The following NRG1 variants were observed in gnomAD, a reference collection of about 807,000 sequenced individuals.
NRG1 encodes the protein pro-neuregulin-1, membrane-bound isoform.
A neutral mutation model predicts 63.8 loss-of-function variants in NRG1; 18 were observed. That is an observed-to-expected ratio of 0.28 (90% confidence interval 0.19 to 0.42). NRG1 has a LOEUF of 0.42. NRG1 is among the 10% of genes least tolerant of loss of function. The pLI is 1.00. For missense variants in NRG1, 762 were observed against 814.7 expected, an observed-to-expected ratio of 0.94 and a Z score of 0.79; for synonymous variants, 302 against 301.3, an observed-to-expected ratio of 1.00 and a Z score of -0.02.
intron 1 of NRG1, among the ~76,000 whole-genome samples, chr8:31,724,978 A>C (rs1018995357): frequency 2.6e-5 from 4 of 152,212 alleles, no homozygotes; most frequent in African/African-American, 4.8e-5. Context: ...GATAGTACAT[A>C]AACAAATGAG....
chr8:31,968,606 C>T (rs901224547), intron 1 of NRG1, among the ~76,000 whole-genome samples: 10 of 152,142 alleles, frequency 6.6e-5, no homozygotes, highest in African/African-American at 2.4e-4. Flanking sequence ...CCAGTAGTTG[C>T]CTGACTTTTC....
intron 1 of NRG1, among the ~76,000 whole-genome samples, chr8:31,756,615 C>A (rs188297497): frequency 3.3e-5 from 5 of 152,126 alleles, no homozygotes; most frequent in African/African-American, 4.8e-5. Context: ...GTTATCCTTA[C>A]GACATCTCTC....
At chr8:32,172,659 C>T (rs1426784365) in intron 1 of NRG1, among the ~76,000 whole-genome samples, 2 of 152,180 alleles carry the variant, frequency 1.3e-5, no homozygotes. Context: ...CCTGATGGAG[C>T]TGAAAACCAA....
At chr8:32,676,637 A>G (rs1807188129) in intron 5 of NRG1, among the ~76,000 whole-genome samples, 1 of 152,196 alleles carries the variant, frequency 6.6e-6, no homozygotes, top group African/African-American at 2.4e-5. Flanking sequence ...AAACTTTAAC[A>G]ACGGCTGACA....
chr8:32,547,590 A>AAC (rs33943729), upstream of NRG1, among the ~76,000 whole-genome samples: 37,997 of 147,952 alleles, frequency 0.26, 5,360 homozygotes, highest in South Asian at 0.34. Flanking sequence ...GCACTTACTA[A>AAC]ACACACACAC....
At chr8:32,249,719 C>T (rs755358784) in intron 1 of NRG1, among the ~76,000 whole-genome samples, 50 of 151,992 alleles carry the variant, frequency 3.3e-4, no homozygotes, top group Non-Finnish European at 4.9e-4. Context: ...GAATGGAGCA[C>T]AAAGGGCCCA....
intron 1 of NRG1, among the ~76,000 whole-genome samples, chr8:32,446,587 GGAGATTGCAGTGAGCC>G (rs2129487788): frequency 6.6e-6 from 1 of 152,150 alleles, no homozygotes; most frequent in African/African-American, 2.4e-5. Flanking sequence ...CCAGAGAAGT[GGAGATTGCAGTGAGCC>G]AAGATTGTGC....
intron 5 of NRG1, among the ~76,000 whole-genome samples, chr8:32,713,382 C>A (rs1818291367): frequency 6.6e-6 from 1 of 152,122 alleles, no homozygotes; most frequent in Non-Finnish European, 1.5e-5. Context: ...GTAAACTATC[C>A]TGTGACTATC....
exon 4 of NRG1, chr8:32,614,539 A>G: frequency 6.2e-7 from 1 of 1,612,652 alleles, no homozygotes; most frequent in Non-Finnish European, 8.5e-7. Flanking sequence ...TGCCAGCCTC[A>G]ACTGAAGGAG....
intron 5 of NRG1, among the ~76,000 whole-genome samples, chr8:32,636,644 C>T (rs1851390085): frequency 6.6e-6 from 1 of 152,104 alleles, no homozygotes; most frequent in South Asian, 2.1e-4. Flanking sequence ...CATAGATGTT[C>T]TAATTCCCCA....
intron 1 of NRG1, among the ~76,000 whole-genome samples, chr8:32,412,813 G>A (rs1200810471): frequency 6.6e-6 from 1 of 151,942 alleles, no homozygotes; most frequent in African/African-American, 2.4e-5. Context: ...TAATCTTATG[G>A]GACCAGTTGT....
intron 1 of NRG1, among the ~76,000 whole-genome samples, chr8:32,083,806 C>T (rs922201550): frequency 7.9e-5 from 12 of 151,862 alleles, no homozygotes; most frequent in African/African-American, 2.9e-4. Flanking sequence ...AAGAAAGTGA[C>T]ATATATTGTA....
intron 1 of NRG1, among the ~76,000 whole-genome samples, chr8:31,701,231 A>G (rs999748296): frequency 2.0e-5 from 3 of 152,148 alleles, no homozygotes; most frequent in Non-Finnish European, 2.9e-5. Context: ...TATGTAACGT[A>G]AAATTACATA....
At chr8:31,901,791 A>G (rs1333749783) in intron 1 of NRG1, among the ~76,000 whole-genome samples, 2 of 152,194 alleles carry the variant, frequency 1.3e-5, no homozygotes, top group Non-Finnish European at 2.9e-5. Flanking sequence ...CTCCAGGAAG[A>G]TACTACTTTC....
At chr8:32,031,586 A>T (rs989922511) in intron 1 of NRG1, among the ~76,000 whole-genome samples, 4 of 151,990 alleles carry the variant, frequency 2.6e-5, no homozygotes, top group African/African-American at 9.7e-5. Flanking sequence ...AACCCACATT[A>T]GTTATTTATC....
chr8:32,628,488 G>A (rs543198916), intron 5 of NRG1, among the ~76,000 whole-genome samples: 10 of 152,172 alleles, frequency 6.6e-5, no homozygotes, highest in Middle Eastern at 3.4e-3. Context: ...AGATTATGGG[G>A]GTGGGAGAGT....
rs530059832 is a variant in NRG1, at chr8:32,455,867, G to A, written c.38-139961G>A. 3.9e-5 allele frequency among the ~76,000 whole-genome samples: 6 copies of A among 152,184 alleles called. No homozygotes were observed. The South Asian group carries it at 1.0e-3, about 26-fold the overall frequency. The stretch of plus-strand genomic sequence containing the variant: ...CAGTGGAATGATCTCAGCTCACTGC[G>A]GCCTCCACCCCAGTTCAAGCAATTT... On this transcript the variant is annotated intron_variant, in intron 1 of 10. Transcript: ENST00000519301.
At chr8:32,016,724 T>C (rs1425543651) in intron 1 of NRG1, among the ~76,000 whole-genome samples, 1 of 152,138 alleles carries the variant, frequency 6.6e-6, no homozygotes. Context: ...AATTTAAATG[T>C]TGGATATAAT....
intron 1 of NRG1, among the ~76,000 whole-genome samples, chr8:32,205,966 T>C (rs1844020664): frequency 6.7e-6 from 1 of 149,698 alleles, no homozygotes; most frequent in Admixed American, 6.7e-5. Context: ...AAATTAGCCA[T>C]GTGTGGTGAT....
Sources: gnomAD v4.1 joint callset for allele counts (sites outside exome capture counted in the v4.1 genomes callset) on GRCh38, gnomAD v4.1.1 for gene constraint, MANE v1.5 for transcripts, NCBI Gene and HGNC (gene_info 2026-07-23, HGNC 2026-07-21) for gene names.